The following CHD1 variants were observed in gnomAD, a reference collection of about 807,000 sequenced individuals.
CHD1 encodes ATP-dependent chromatin remodeler CHD1.
Under a neutral mutation model 224.2 loss-of-function variants are expected in CHD1, and 36 were observed. That is an observed-to-expected ratio of 0.16 (90% CI 0.12 to 0.21). CHD1 has a LOEUF of 0.21. Among genes scored for constraint, CHD1 ranks in the 10% least tolerant of loss-of-function variants. The probability of loss-of-function intolerance (pLI) is 1.00; values close to 1 mark genes in which losing one functional copy is unlikely to be tolerated. For synonymous variants in CHD1, 668 were observed against 658.3 expected, an observed-to-expected ratio of 1.01 and a Z score of -0.23; for missense variants, 1,378 against 1,994.8, an observed-to-expected ratio of 0.69 and a Z score of 5.89.
chr5:98,924,048 G>A (rs1753284263), intron 2 of CHD1, among the ~76,000 whole-genome samples: 1 of 152,170 alleles, frequency 6.6e-6, no homozygotes, highest in East Asian at 1.9e-4. Context: ...TTGAGCCCAT[G>A]AGTTCAAGAC....
rs990779842 is a variant in CHD1 at position 98,894,723 on chromosome 5, C to T, written c.1711-37G>A. The T allele has an allele frequency of 1.1e-5, 10 of 908,436 alleles. 1 individual carries two copies. The highest frequency in any genetic ancestry group is 2.6e-5 in the East Asian group (1 of 37,904). 56.3% of individuals were successfully genotyped at this position (908,436 alleles called of 1,614,324 possible). A position where few individuals can be genotyped will look rare whatever the true frequency, so the allele number is the denominator to read the frequency against. ...TTTGAAGGACAATTTTTAAGACAAA[C>T]ATCAAGCAAATTATACTTTTACTTA... On this transcript the variant is annotated intron_variant, in intron 12 of 35. Transcript: ENST00000614616.
intron 2 of CHD1, among the ~76,000 whole-genome samples, chr5:98,924,182 C>T (rs1753294890): frequency 6.6e-6 from 1 of 151,700 alleles, no homozygotes; most frequent in Non-Finnish European, 1.5e-5. Context: ...GAGGTGGAGG[C>T]AGAGGCTGCA....
chr5:98,924,218 T>A (rs948757793), intron 2 of CHD1, among the ~76,000 whole-genome samples: 14 of 151,878 alleles, frequency 9.2e-5, no homozygotes, highest in Non-Finnish European at 1.8e-4. Flanking sequence ...ACAACTGTAC[T>A]CCAGCCTGGG....
chr5:98,856,752 G>C lies in CHD1; in HGVS notation c.4788-27C>G, dbSNP rs774870560. On this transcript the variant is annotated intron_variant, in intron 35 of 35. Transcript: ENST00000614616. ...TAATAAAGAAAAATTGAGAATTTTA[G>C]ACAAATCATGCAAATTAAAATGTTT... 42 of 1,374,052 alleles carry C rather than the reference G, an allele frequency of 3.1e-5. No individual in the cohort carries two copies. In the South Asian group the frequency reaches 5.2e-4, roughly 17 times the overall value. 85.1% of individuals were successfully genotyped at this position (1,374,052 alleles called of 1,614,324 possible). A position where few individuals can be genotyped will look rare whatever the true frequency, so the allele number is the denominator to read the frequency against.
At chr5:98,878,475 C>CA (rs1265671392) in intron 23 of CHD1, among the ~76,000 whole-genome samples, 2 of 152,108 alleles carry the variant, frequency 1.3e-5, no homozygotes, top group Non-Finnish European at 2.9e-5. Flanking sequence ...GCAATCAAGA[C>CA]AAAAAATCTT....
At chr5:98,875,766 G>T (rs994003250) in intron 24 of CHD1, among the ~76,000 whole-genome samples, 1 of 151,998 alleles carries the variant, frequency 6.6e-6, no homozygotes, top group African/African-American at 2.4e-5. Flanking sequence ...AGTTACAATG[G>T]CTTCAAAGAA....
At chr5:98,906,021 T>G (rs1021132165) in intron 2 of CHD1, among the ~76,000 whole-genome samples, 1 of 152,174 alleles carries the variant, frequency 6.6e-6, no homozygotes, top group African/African-American at 2.4e-5. Flanking sequence ...AAAATACAAG[T>G]TTCCTGTCCT....
At chr5:98,859,382 A>AG (rs2112448390) in intron 33 of CHD1, among the ~76,000 whole-genome samples, 1 of 152,284 alleles carries the variant, frequency 6.6e-6, no homozygotes, top group South Asian at 2.1e-4. Flanking sequence ...GACTTCATTC[A>AG]GATTTCACAT....
chr5:98,887,850 G>C (rs1750752847), intron 17 of CHD1, among the ~76,000 whole-genome samples: 2 of 151,904 alleles, frequency 1.3e-5, no homozygotes, highest in South Asian at 2.1e-4. Flanking sequence ...AGAAGAAAAA[G>C]ACAGAATTAA....
chr5:98,868,396 T>A, intron 31 of CHD1, 99 bp downstream of exon 31: 38 of 681,194 alleles, frequency 5.6e-5, no homozygotes, highest in East Asian at 9.8e-5. Flanking sequence ...CAATCTACAA[T>A]AAATTCAAAT....
At position 98,856,194 on chromosome 5, in the gene CHD1, A is replaced by G. The variant is rs987327199; in HGVS notation, c.*186T>C. On this transcript the variant is annotated 3_prime_UTR_variant, in exon 36 of 36. Coordinates refer to ENST00000614616, the MANE Select transcript of CHD1 (RefSeq NM_001270.4). ...CAATTTTGTAGTACAGTGCAGCATAATCCTTAAATATAAAAATATTTTCTC... is the reference window on the plus strand; with the variant it reads ...CAATTTTGTAGTACAGTGCAGCATAGTCCTTAAATATAAAAATATTTTCTC... The G allele has an allele frequency of 1.8e-6, 1 of 557,146 alleles. No homozygotes were observed. Among genetic ancestry groups the G allele is most frequent in the Non-Finnish European group, 3.2e-6 (1 of 311,148 alleles). 34.5% of individuals were successfully genotyped at this position (557,146 alleles called of 1,614,324 possible). A position where few individuals can be genotyped will look rare whatever the true frequency, so the allele number is the denominator to read the frequency against.
chr5:98,894,730 C>T (rs1751237434), intron 12 of CHD1, 44 bp from the exon 13 acceptor site: 3 of 813,040 alleles, frequency 3.7e-6, no homozygotes, highest in Non-Finnish European at 6.0e-6. Flanking sequence ...AAACATCAAG[C>T]AAATTATACT....
At chr5:98,858,447 CT>C in intron 34 of CHD1, 57 bp from the exon 35 acceptor site, 1 of 1,393,472 alleles carries the variant, frequency 7.2e-7, no homozygotes, top group Non-Finnish European at 1.0e-6. Context: ...GCAAAAAAAA[CT>C]TAGTTGATAG....
intron 2 of CHD1, among the ~76,000 whole-genome samples, chr5:98,906,425 T>A (rs112845408): frequency 6.6e-6 from 1 of 152,166 alleles, no homozygotes; most frequent in South Asian, 2.1e-4. Flanking sequence ...AGCAAGGATA[T>A]TAAAAGATTT....
chr5:98,869,987 T>TA (rs1342990465), intron 29 of CHD1, 105 bp from the exon 30 acceptor site: 1 of 783,136 alleles, frequency 1.3e-6, no homozygotes, highest in Non-Finnish European at 2.0e-6. Flanking sequence ...ACCTGATCCT[T>TA]AGTCTATTGG....
chr5:98,879,853 T>C (rs527284033), intron 22 of CHD1, 125 bp from the exon 23 acceptor site: 5 of 597,578 alleles, frequency 8.4e-6, no homozygotes, highest in East Asian at 6.0e-5. Context: ...AAACCAAATA[T>C]AACTTCTAAA....
intron 20 of CHD1, 74 bp from the exon 21 acceptor site, chr5:98,881,449 T>A: frequency 1.5e-6 from 1 of 667,986 alleles, no homozygotes. Flanking sequence ...TTTTATTAAT[T>A]ACTGACATTT....
intron 21 of CHD1, 21 bp downstream of exon 21, chr5:98,881,258 T>C (rs1011526175): frequency 1.5e-5 from 18 of 1,177,808 alleles, no homozygotes; most frequent in Middle Eastern, 3.1e-4. Flanking sequence ...AGGCCTTTTT[T>C]TTTTTTTTTT....
intron 2 of CHD1, among the ~76,000 whole-genome samples, chr5:98,922,735 C>G (rs1206906268): frequency 6.6e-6 from 1 of 152,088 alleles, no homozygotes; most frequent in Non-Finnish European, 1.5e-5. Flanking sequence ...TGCCTGTAAT[C>G]CCCAGTGCTT....
Sources: gnomAD v4.1 joint callset for allele counts (sites outside exome capture counted in the v4.1 genomes callset) on GRCh38, gnomAD v4.1.1 for gene constraint, MANE v1.5 for transcripts, NCBI Gene and HGNC (gene_info 2026-07-23, HGNC 2026-07-21) for gene names.